ZNF362: variants seen among roughly 807,000 people sequenced by gnomAD.
ZNF362 encodes zinc finger protein 362, also known as rotund homolog.
In ZNF362, 11 loss-of-function variants were observed where a neutral mutation model predicts 42.9. The ratio of observed to expected loss-of-function variants is 0.26; its 90% CI spans 0.16 to 0.42. The LOEUF is 0.42. ZNF362 is among the 20% of genes least tolerant of loss of function. ZNF362 has a pLI of 1.00. For missense variants in ZNF362, 362 were observed against 576.2 expected, an observed-to-expected ratio of 0.63 and a Z score of 3.81; for synonymous variants, 255 against 257.3, an observed-to-expected ratio of 0.99 and a Z score of 0.09.
At chr1:33,177,109 ACACATGCATGTACG>A in the ZNF362 span, among the ~76,000 whole-genome samples, 1 of 151,604 alleles carries the variant, frequency 6.6e-6, no homozygotes, top group Non-Finnish European at 1.5e-5. The surrounding 1 kb of genome is among the most constrained non-coding windows in gnomAD (Gnocchi z 4.1). Context: ...ACATGCACAC[ACACATGCATGTACG>A]CATGCACACA....
Position 33,276,122 on chromosome 1 carries a change from A to G in ZNF362, c.61A>G (p.Asn21Asp). The G allele has an allele frequency of 1.2e-6, 2 of 1,613,958 alleles. No homozygotes were observed. Among genetic ancestry groups the G allele is most frequent in the Non-Finnish European group, 1.7e-6 (2 of 1,179,986 alleles). ...CAGGATGGCCGAGCCTCGATTTAAC[A>G]ACCCCTACTTCTGGCCCCCTCCTCC... Reference protein sequence around the residue: ...HSRMAEPRFNNPYFWPPPPTM... With the variant: ...HSRMAEPRFNDPYFWPPPPTM... The change falls in exon 3 of 9, where the codon AAC (asparagine) becomes GAC (aspartate). Residue 21 changes from asparagine to aspartate, a missense_variant. By Grantham distance (23) the Asn-to-Asp change is conservative. This residue lies in a region of ZNF362 where 266 missense variants were observed against 365.4 expected (regional missense o/e 0.73). Transcript: ENST00000539719.
chr1:33,296,824 GT>G (rs10595778), intron 8 of ZNF362, among the ~76,000 whole-genome samples: 3,542 of 135,466 alleles, frequency 0.026, 78 homozygotes, highest in African/African-American at 0.055. Flanking sequence ...GTCAGGAAGG[GT>G]TTTTTTTTTT....
At chr1:33,246,812 G>C in the ZNF362 span, among the ~76,000 whole-genome samples, 1 of 152,160 alleles carries the variant, frequency 6.6e-6, no homozygotes, top group Non-Finnish European at 1.5e-5. Flanking sequence ...AGTTGCTATA[G>C]GCCATTATAG....
rs935756705 is a variant in ZNF362, at chr1:33,280,735, C to A, written c.683+278C>A. Among the ~76,000 whole-genome samples, 1 of 152,132 alleles carries A rather than the reference C, an allele frequency of 6.6e-6. No individual in the cohort carries two copies. The highest frequency in any genetic ancestry group is 6.5e-5 in the Admixed American group (1 of 15,286). On this transcript the variant is annotated intron_variant, in intron 5 of 8. Transcript: ENST00000539719. The surrounding 1 kb of genome is among the most constrained non-coding windows in gnomAD (Gnocchi z 5.6). ...CTGGGGTTGTGAGAGTCGGTTTCCT[C>A]CTCCCTTTAAGCAGTGTTCTCAACC...
chr1:33,287,323 C>T (rs1356815735), intron 6 of ZNF362, among the ~76,000 whole-genome samples: 2 of 152,140 alleles, frequency 1.3e-5, no homozygotes, highest in Non-Finnish European at 2.9e-5. Context: ...CCCATCTCTA[C>T]AGAAAATTAA....
chr1:33,196,611 T>C, the ZNF362 span, among the ~76,000 whole-genome samples: 1 of 152,180 alleles, frequency 6.6e-6, no homozygotes, highest in African/African-American at 2.4e-5. Flanking sequence ...TGTTTTGCAG[T>C]TAACTTTTTT....
At chr1:33,216,846 G>A in the ZNF362 span, among the ~76,000 whole-genome samples, 2 of 151,852 alleles carry the variant, frequency 1.3e-5, no homozygotes, top group Non-Finnish European at 2.9e-5. Flanking sequence ...GGAGGGGCTG[G>A]GCAAGGGCTG....
At chr1:33,213,669 A>G in the ZNF362 span, among the ~76,000 whole-genome samples, 1 of 152,024 alleles carries the variant, frequency 6.6e-6, no homozygotes, top group Non-Finnish European at 1.5e-5. Flanking sequence ...ACATGGTGAA[A>G]CCCCATCTCT....
chr1:33,228,827 A>G, the ZNF362 span, among the ~76,000 whole-genome samples: 16 of 152,274 alleles, frequency 1.1e-4, no homozygotes, highest in East Asian at 2.9e-3. Flanking sequence ...GGTCAAGCCT[A>G]TCATTCCTCT....
Position 33,294,811 on chromosome 1 carries a change from T to G in ZNF362, c.909-126T>G. ...CCCAGCTCTTGCCTGGGCTCACTCT[T>G]GGTCCTTGGGGAGCATGGGCAGGGT... On this transcript the variant is annotated intron_variant, in intron 6 of 8. Transcript: ENST00000539719. The surrounding 1 kb of genome is among the most constrained non-coding windows in gnomAD (Gnocchi z 4.2). The G allele has an allele frequency of 9.9e-7, 1 of 1,009,350 alleles. No homozygotes were observed. Among genetic ancestry groups the G allele is most frequent in the Non-Finnish European group, 1.5e-6 (1 of 665,120 alleles). 62.5% of individuals were successfully genotyped at this position (1,009,350 alleles called of 1,614,324 possible).
chr1:33,254,875 TA>T (rs1322536953), upstream of ZNF362, among the ~76,000 whole-genome samples: 1 of 152,202 alleles, frequency 6.6e-6, no homozygotes, highest in Non-Finnish European at 1.5e-5. Context: ...CTCTCCCGTT[TA>T]TTAATTTATT....
the ZNF362 span, among the ~76,000 whole-genome samples, chr1:33,231,779 T>A: frequency 3.9e-5 from 6 of 152,174 alleles, no homozygotes; most frequent in Admixed American, 6.5e-5. Flanking sequence ...CTGGAGGCAC[T>A]GAGCTGGACC....
At chr1:33,261,493 C>T (rs1645827668) in intron 1 of ZNF362, 2 of 152,106 alleles carry the variant, frequency 1.3e-5, no homozygotes, top group South Asian at 4.1e-4. Flanking sequence ...AGGCAGACAG[C>T]CTCGGTGCAT....
chr1:33,139,746 G>A, the ZNF362 span, among the ~76,000 whole-genome samples: 1 of 152,338 alleles, frequency 6.6e-6, no homozygotes, highest in East Asian at 1.9e-4. Context: ...CCTGTATTGG[G>A]CTGCTGGTGG....
At chr1:33,250,853 G>GAAGAAGAA in the ZNF362 span, among the ~76,000 whole-genome samples, 5 of 1,518 alleles carry the variant, frequency 3.3e-3, no homozygotes, top group Admixed American at 0.033. Flanking sequence ...AAGAAAGAAG[G>GAAGAAGAA]AAGAAGAAGA....
the ZNF362 span, among the ~76,000 whole-genome samples, chr1:33,231,252 G>A: frequency 6.6e-5 from 10 of 152,320 alleles, no homozygotes; most frequent in East Asian, 1.3e-3. Context: ...CCTCACACAC[G>A]TATAGTCTAG....
chr1:33,165,423 C>T, the ZNF362 span: 1 of 1,514,252 alleles, frequency 6.6e-7, no homozygotes, highest in Non-Finnish European at 8.9e-7. This position sits in a 1 kb window ranked among gnomAD's most constrained non-coding sequence, Gnocchi z 4.0. Context: ...CCTCGAAGCC[C>T]TGCCCTCATC....
the ZNF362 span, among the ~76,000 whole-genome samples, chr1:33,185,346 C>T: frequency 1.3e-5 from 2 of 152,114 alleles, no homozygotes; most frequent in East Asian, 3.9e-4. Flanking sequence ...TTCAGCCTCC[C>T]GAGTAGCTGG....
At chr1:33,171,940 C>G in the ZNF362 span, among the ~76,000 whole-genome samples, 3 of 152,098 alleles carry the variant, frequency 2.0e-5, no homozygotes. Flanking sequence ...CGACACCACG[C>G]CTGGCTAATT....
Sources: gnomAD v4.1 joint callset for allele counts (sites outside exome capture counted in the v4.1 genomes callset) on GRCh38, gnomAD v4.1.1 for gene constraint, gnomAD v4.1.1 regional missense constraint, Gnocchi (gnomAD v3.1) non-coding constraint, MANE v1.5 for transcripts, NCBI Gene and HGNC (gene_info 2026-07-23, HGNC 2026-07-21) for gene names.